The following PPP1R14C variants were observed in gnomAD, a reference collection of about 807,000 sequenced individuals.
PPP1R14C encodes protein phosphatase 1 regulatory inhibitor subunit 14C, also known as protein phosphatase 1 regulatory subunit 14C.
In PPP1R14C, 16 loss-of-function variants were observed where a neutral mutation model predicts 20.4. The observed-to-expected ratio is 0.78, with a 90% CI of 0.53 to 1.19. The LOEUF is 1.19. PPP1R14C is among the 50% of genes most tolerant of loss of function. The probability of loss-of-function intolerance (pLI) is 0.00; values close to 1 mark genes in which losing one functional copy is unlikely to be tolerated. For missense variants in PPP1R14C, 211 were observed against 220.1 expected, an observed-to-expected ratio of 0.96 and a Z score of 0.26; for synonymous variants, 91 against 91.0, an observed-to-expected ratio of 1.00 and a Z score of 0.00.
At chr6:150,219,838 G>A (rs903546691) in intron 3 of PPP1R14C, among the ~76,000 whole-genome samples, 1 of 151,420 alleles carries the variant, frequency 6.6e-6, no homozygotes, top group Non-Finnish European at 1.5e-5. Context: ...ATTTGCATTT[G>A]TGTGTATAAG....
rs1008638483 is a variant in PPP1R14C, at chr6:150,249,442, G to A, written c.*622G>A. ...CAAAGTGAAAGAATTCAGTGTATCC[G>A]TTATTTTAATGCACTACACCACAGA... On this transcript the variant is annotated 3_prime_UTR_variant, in exon 4 of 4. Coordinates refer to ENST00000361131, the MANE Select transcript of PPP1R14C (RefSeq NM_030949.3). 19 of 398,470 alleles carry A rather than the reference G, an allele frequency of 4.8e-5. No individual in the cohort carries two copies. Among genetic ancestry groups the A allele is most frequent in the South Asian group, 2.5e-4 (2 of 7,852 alleles). The allele number at this position is 398,470 out of a possible 1,614,324, so 24.7% of individuals were successfully genotyped here.
intron 1 of PPP1R14C, among the ~76,000 whole-genome samples, chr6:150,157,510 A>G (rs1241148282): frequency 6.6e-6 from 1 of 152,176 alleles, no homozygotes; most frequent in Non-Finnish European, 1.5e-5. Flanking sequence ...AGGATGTCTT[A>G]GTCCATTTTG....
intron 1 of PPP1R14C, among the ~76,000 whole-genome samples, chr6:150,190,315 A>C (rs1165555501): frequency 6.6e-6 from 1 of 152,004 alleles, no homozygotes; most frequent in African/African-American, 2.4e-5. Context: ...CCTGATCTTC[A>C]ACCCCACTTT....
chr6:150,206,369 T>G (rs1777950743), intron 1 of PPP1R14C, among the ~76,000 whole-genome samples: 1 of 152,240 alleles, frequency 6.6e-6, no homozygotes, highest in Non-Finnish European at 1.5e-5. Context: ...TGTTTATTCC[T>G]TAACCCTGGC....
At chr6:150,222,553 G>C (rs941202170) in intron 3 of PPP1R14C, among the ~76,000 whole-genome samples, 3 of 152,010 alleles carry the variant, frequency 2.0e-5, no homozygotes, top group African/African-American at 7.3e-5. Flanking sequence ...CACCACTACA[G>C]CATCATACAG....
chr6:150,199,109 A>G (rs1027601502), intron 1 of PPP1R14C, among the ~76,000 whole-genome samples: 2 of 151,932 alleles, frequency 1.3e-5, no homozygotes, highest in Admixed American at 6.6e-5. Flanking sequence ...GCTCCCAACT[A>G]TGGTGACTTG....
At chr6:150,240,321 C>T (rs1031672485) in intron 3 of PPP1R14C, among the ~76,000 whole-genome samples, 24 of 152,130 alleles carry the variant, frequency 1.6e-4, no homozygotes, top group African/African-American at 2.4e-4. Flanking sequence ...CCAGGTTCTT[C>T]GCGTTTTGAA....
intron 1 of PPP1R14C, among the ~76,000 whole-genome samples, chr6:150,208,040 C>A (rs574866803): frequency 2.0e-5 from 3 of 152,132 alleles, no homozygotes; most frequent in Non-Finnish European, 4.4e-5. Context: ...TAACAACCAG[C>A]GCCTCATGAG....
intron 1 of PPP1R14C, among the ~76,000 whole-genome samples, chr6:150,180,077 C>A (rs1030761382): frequency 8.5e-5 from 13 of 152,270 alleles, no homozygotes; most frequent in Admixed American, 7.8e-4. Flanking sequence ...TGGCATGTGC[C>A]TGTAATCCCA....
intron 1 of PPP1R14C, among the ~76,000 whole-genome samples, chr6:150,206,159 A>C (rs1423893304): frequency 6.6e-6 from 1 of 152,126 alleles, no homozygotes; most frequent in Non-Finnish European, 1.5e-5. Context: ...TGTGTCTTTA[A>C]TCAGATACCT....
chr6:150,156,700 T>C (rs1777309697), intron 1 of PPP1R14C, among the ~76,000 whole-genome samples: 1 of 152,240 alleles, frequency 6.6e-6, no homozygotes, highest in African/African-American at 2.4e-5. Flanking sequence ...AGTAATTGAT[T>C]TGGTGCTAAA....
At chr6:150,226,577 G>A (rs982825994) in intron 3 of PPP1R14C, among the ~76,000 whole-genome samples, 6 of 152,090 alleles carry the variant, frequency 3.9e-5, no homozygotes, top group African/African-American at 1.4e-4. Context: ...GGGCTTGAGG[G>A]CATCTGCCTT....
At chr6:150,213,564 A>G (rs143054434) in intron 1 of PPP1R14C, among the ~76,000 whole-genome samples, 31 of 152,334 alleles carry the variant, frequency 2.0e-4, no homozygotes, top group African/African-American at 6.7e-4. Flanking sequence ...GCTCCTGCAG[A>G]TGCTTCTCAG....
chr6:150,224,998 C>T (rs139261576), intron 3 of PPP1R14C, among the ~76,000 whole-genome samples: 144 of 152,062 alleles, frequency 9.5e-4, no homozygotes, highest in African/African-American at 3.2e-3. Flanking sequence ...CGGTCGCCCC[C>T]ATGCCCCTTT....
intron 1 of PPP1R14C, among the ~76,000 whole-genome samples, chr6:150,202,872 T>A (rs986224259): frequency 3.9e-5 from 6 of 152,224 alleles, no homozygotes; most frequent in African/African-American, 1.4e-4. Context: ...CTTAATTTTT[T>A]AAAAGCATTT....
intron 1 of PPP1R14C, among the ~76,000 whole-genome samples, chr6:150,152,802 A>C (rs1336521365): frequency 1.3e-5 from 2 of 152,076 alleles, no homozygotes; most frequent in Non-Finnish European, 2.9e-5. Flanking sequence ...ACTCTCACAC[A>C]CCTGGCTGCA....
At chr6:150,146,539 C>T (rs1777182433) in intron 1 of PPP1R14C, among the ~76,000 whole-genome samples, 1 of 152,086 alleles carries the variant, frequency 6.6e-6, no homozygotes, top group Non-Finnish European at 1.5e-5. Flanking sequence ...AGGAGACTGC[C>T]CTGGCCTGGG....
intron 3 of PPP1R14C, among the ~76,000 whole-genome samples, chr6:150,248,041 T>C (rs1778514832): frequency 6.6e-6 from 1 of 152,112 alleles, no homozygotes; most frequent in Non-Finnish European, 1.5e-5. Flanking sequence ...CATGTCATGG[T>C]GGAGGTTGTC....
intron 1 of PPP1R14C, among the ~76,000 whole-genome samples, chr6:150,209,676 T>C (rs767834053): frequency 5.6e-5 from 8 of 143,504 alleles, no homozygotes; most frequent in African/African-American, 1.2e-4. Context: ...ATGGAGTGTA[T>C]GTTTGTGTAT....
Sources: gnomAD v4.1 joint callset for allele counts (sites outside exome capture counted in the v4.1 genomes callset) on GRCh38, gnomAD v4.1.1 for gene constraint, MANE v1.5 for transcripts, NCBI Gene and HGNC (gene_info 2026-07-23, HGNC 2026-07-21) for gene names.